KLF12: variants seen among roughly 807,000 people sequenced by gnomAD.
KLF12 encodes Krueppel-like factor 12.
KLF12 carries 9 observed loss-of-function variants against 37.8 expected under a neutral mutation model. The observed-to-expected ratio is 0.24, with a 90% CI of 0.14 to 0.42. The LOEUF (loss-of-function observed/expected upper bound fraction) is 0.42. KLF12 is among the 10% of genes least tolerant of loss of function. KLF12 has a pLI of 1.00. For missense variants in KLF12, 411 were observed against 516.0 expected (o/e 0.80, Z 1.97); for synonymous variants, 208 against 202.1 (o/e 1.03, Z -0.25).
At chr13:74,256,484 T>G in the KLF12 span, among the ~76,000 whole-genome samples, 3 of 151,986 alleles carry the variant, frequency 2.0e-5, no homozygotes, top group Non-Finnish European at 4.4e-5. Context: ...ACTGGTACAG[T>G]AAAACAATTA....
At chr13:74,086,190 A>C (rs969163829) in intron 1 of KLF12, among the ~76,000 whole-genome samples, 1 of 151,604 alleles carries the variant, frequency 6.6e-6, no homozygotes, top group African/African-American at 2.4e-5. Context: ...ACATATGTAT[A>C]CATGTGCCAT....
the KLF12 span, among the ~76,000 whole-genome samples, chr13:74,203,795 A>G: frequency 6.6e-6 from 1 of 152,248 alleles, no homozygotes; most frequent in South Asian, 2.1e-4. Flanking sequence ...AGAGAGCTAC[A>G]GTACCACCCA....
chr13:73,696,102 C>G (rs1004744846), intron 7 of KLF12, among the ~76,000 whole-genome samples: 1 of 149,106 alleles, frequency 6.7e-6, no homozygotes, highest in Admixed American at 6.7e-5. Flanking sequence ...CTGTGCATCA[C>G]TTAGATGGCT....
At chr13:74,304,591 T>A in the KLF12 span, among the ~76,000 whole-genome samples, 1 of 152,138 alleles carries the variant, frequency 6.6e-6, no homozygotes, top group Non-Finnish European at 1.5e-5. Context: ...TTGCAGTTAT[T>A]AATTTGAGAG....
chr13:73,815,448 T>C (rs1883163862), intron 4 of KLF12, among the ~76,000 whole-genome samples: 1 of 152,186 alleles, frequency 6.6e-6, no homozygotes, highest in East Asian at 1.9e-4. Context: ...TAAAGGAACG[T>C]AGGATCCAGG....
intron 3 of KLF12, among the ~76,000 whole-genome samples, chr13:73,872,908 A>T (rs1274067752): frequency 6.6e-6 from 1 of 152,190 alleles, no homozygotes; most frequent in South Asian, 2.1e-4. Context: ...GACACAGAAG[A>T]CATGAGTGAA....
At chr13:73,810,548 G>A (rs1056767418) in intron 5 of KLF12, among the ~76,000 whole-genome samples, 8 of 151,950 alleles carry the variant, frequency 5.3e-5, no homozygotes, top group Admixed American at 3.9e-4. Context: ...GATTACAGGT[G>A]TGAGCCACCA....
At chr13:74,041,730 A>ACC (rs1311598130) in intron 1 of KLF12, among the ~76,000 whole-genome samples, 7 of 144,246 alleles carry the variant, frequency 4.9e-5, no homozygotes, top group Non-Finnish European at 7.6e-5. Context: ...ACACACACAC[A>ACC]CACCCCTTCA....
At chr13:73,796,425 A>G (rs1881968817) in intron 5 of KLF12, among the ~76,000 whole-genome samples, 1 of 151,796 alleles carries the variant, frequency 6.6e-6, no homozygotes, top group South Asian at 2.1e-4. Context: ...CTGGAACCTC[A>G]GAAAGATGGA....
the KLF12 span, among the ~76,000 whole-genome samples, chr13:74,188,162 G>A: frequency 6.6e-6 from 1 of 152,116 alleles, no homozygotes; most frequent in African/African-American, 2.4e-5. Context: ...GTGGTGTTTT[G>A]TGTACCTGAT....
At chr13:74,107,501 T>C (rs1268087661) in intron 1 of KLF12, among the ~76,000 whole-genome samples, 1 of 152,242 alleles carries the variant, frequency 6.6e-6, no homozygotes, top group Non-Finnish European at 1.5e-5. Flanking sequence ...TAGATCATTG[T>C]ATGTTGGACT....
chr13:73,749,309 AAAC>A (rs1244273300), intron 6 of KLF12, among the ~76,000 whole-genome samples: 1 of 152,228 alleles, frequency 6.6e-6, no homozygotes, highest in Admixed American at 6.5e-5. Flanking sequence ...TAATCCCATT[AAAC>A]AACAGAGCCT....
At chr13:73,772,180 T>C (rs2138125684) in intron 5 of KLF12, among the ~76,000 whole-genome samples, 1 of 152,330 alleles carries the variant, frequency 6.6e-6, no homozygotes, top group African/African-American at 2.4e-5. Flanking sequence ...CAACATTTAT[T>C]GTGCACCTAT....
intron 6 of KLF12, among the ~76,000 whole-genome samples, chr13:73,727,235 TG>T (rs969436562): frequency 6.6e-6 from 1 of 152,232 alleles, no homozygotes; most frequent in Non-Finnish European, 1.5e-5. Context: ...TATTATTTTT[TG>T]TGATAAATAT....
the KLF12 span, among the ~76,000 whole-genome samples, chr13:74,291,886 C>G: frequency 2.0e-5 from 3 of 152,180 alleles, no homozygotes; most frequent in Admixed American, 2.0e-4. Context: ...ATCAAAATGT[C>G]TTCTCAGCTG....
the KLF12 span, among the ~76,000 whole-genome samples, chr13:74,260,162 A>T: frequency 2.6e-5 from 4 of 152,126 alleles, no homozygotes; most frequent in Admixed American, 6.6e-5. Context: ...GCACACACGG[A>T]GGTAACTGCA....
chr13:74,021,966 T>C (rs938319751), intron 1 of KLF12, among the ~76,000 whole-genome samples: 5 of 152,250 alleles, frequency 3.3e-5, no homozygotes, highest in African/African-American at 1.2e-4. Context: ...ATAGTGATGG[T>C]CATCAGGAGG....
intron 1 of KLF12, among the ~76,000 whole-genome samples, chr13:74,069,845 G>A (rs781137694): frequency 5.9e-5 from 9 of 152,148 alleles, no homozygotes; most frequent in Non-Finnish European, 1.3e-4. Flanking sequence ...TAGGAATGTC[G>A]CATCTGGTGG....
At chr13:74,291,801 G>A in the KLF12 span, among the ~76,000 whole-genome samples, 5 of 152,128 alleles carry the variant, frequency 3.3e-5, no homozygotes, top group African/African-American at 1.2e-4. Context: ...ATGTAAATTA[G>A]GAAGAGGTAG....
Sources: gnomAD v4.1 joint callset for allele counts (sites outside exome capture counted in the v4.1 genomes callset) on GRCh38, gnomAD v4.1.1 for gene constraint, MANE v1.5 for transcripts, NCBI Gene and HGNC (gene_info 2026-07-23, HGNC 2026-07-21) for gene names.